The following RAP1A variants were observed in gnomAD, a reference collection of about 807,000 sequenced individuals.
RAP1A encodes the protein ras-related protein Rap-1A.
RAP1A carries 6 observed loss-of-function variants against 26.4 expected under a neutral mutation model. The ratio of observed to expected loss-of-function variants is 0.23; its 90% CI spans 0.12 to 0.45. The LOEUF (loss-of-function observed/expected upper bound fraction) is 0.45. Among genes scored for constraint, RAP1A ranks in the 20% least tolerant of loss-of-function variants. RAP1A has a pLI of 0.99. For missense variants in RAP1A, 121 were observed against 217.2 expected (o/e 0.56, Z 2.78); for synonymous variants, 73 against 79.4 (o/e 0.92, Z 0.43).
chr1:111,619,822 C>T lies in RAP1A; in HGVS notation c.-140C>T, dbSNP rs1013843746. 1 of 399,494 alleles carries T rather than the reference C, an allele frequency of 2.5e-6. No individual in the cohort carries two copies. The highest frequency in any genetic ancestry group is 4.4e-6 in the Non-Finnish European group (1 of 227,132). The allele number at this position is 399,494 out of a possible 1,614,324, so 24.7% of individuals were successfully genotyped here. A position where few individuals can be genotyped will look rare whatever the true frequency, so the allele number is the denominator to read the frequency against. On this transcript the variant is annotated 5_prime_UTR_variant, in exon 1 of 8. Coordinates refer to ENST00000369709, the MANE Select transcript of RAP1A (RefSeq NM_002884.4). Reference sequence around the variant, plus strand: ...TCCCGAGGCCCCTGCCGCCGCCGCTCCCGCTGCTGTCGCCGCGCAGAGCCG... The same window carrying T: ...TCCCGAGGCCCCTGCCGCCGCCGCTTCCGCTGCTGTCGCCGCGCAGAGCCG...
intron 1 of RAP1A, among the ~76,000 whole-genome samples, chr1:111,643,109 T>G (rs545689844): frequency 6.6e-6 from 1 of 152,102 alleles, no homozygotes; most frequent in Admixed American, 6.6e-5. Context: ...GTAAGTACTT[T>G]AGGATTTTGG....
chr1:111,629,696 C>A (rs1659510972), intron 1 of RAP1A, among the ~76,000 whole-genome samples: 1 of 152,132 alleles, frequency 6.6e-6, no homozygotes, highest in Non-Finnish European at 1.5e-5. Flanking sequence ...ATGTAACTCA[C>A]AGTGCTCGTA....
chr1:111,664,388 A>C lies in RAP1A; in HGVS notation c.-27-26946A>C, dbSNP rs562692536. Among the ~76,000 whole-genome samples, 259 of 150,746 alleles carry C rather than the reference A, an allele frequency of 1.7e-3. 2 individuals are homozygous for C. Among genetic ancestry groups the C allele is most frequent in the African/African-American group, 5.7e-3 (232 of 40,846 alleles). ...GACTCCGTCTCAAAAAAAAAAAAAA[A>C]AAAAAAAAAACAAAAAACAAAACCA... On this transcript the variant is annotated intron_variant, in intron 1 of 7. Transcript: ENST00000369709.
At chr1:111,571,480 C>G (rs1658048026) in intron 1 of RAP1A, among the ~76,000 whole-genome samples, 1 of 152,212 alleles carries the variant, frequency 6.6e-6, no homozygotes, top group Non-Finnish European at 1.5e-5. Flanking sequence ...ACCTCATTAG[C>G]ATAAATCCAG....
intron 1 of RAP1A, among the ~76,000 whole-genome samples, chr1:111,610,852 T>C (rs1241148196): frequency 6.6e-6 from 1 of 152,228 alleles, no homozygotes; most frequent in African/African-American, 2.4e-5. Flanking sequence ...TACTCTATTG[T>C]CCCTCATATT....
At chr1:111,648,876 A>G (rs1212693793) in intron 1 of RAP1A, 6 of 790,496 alleles carry the variant, frequency 7.6e-6, no homozygotes, top group South Asian at 5.3e-5. Flanking sequence ...ATCTGCCTCC[A>G]TGGTCAACCC....
At chr1:111,572,387 G>A (rs1658067196) in intron 1 of RAP1A, among the ~76,000 whole-genome samples, 1 of 152,214 alleles carries the variant, frequency 6.6e-6, no homozygotes, top group Admixed American at 6.5e-5. Context: ...TTGCAACTCA[G>A]GATTCCTCAG....
chr1:111,668,617 G>A (rs1038429870), intron 1 of RAP1A, among the ~76,000 whole-genome samples: 20 of 152,104 alleles, frequency 1.3e-4, no homozygotes, highest in Admixed American at 8.5e-4. Context: ...CTAGCCAGGC[G>A]GTATGGGTCC....
Position 111,647,519 on chromosome 1 carries a change from G to A in RAP1A, c.-28+27585G>A, listed in dbSNP as rs142356732. Among the ~76,000 whole-genome samples, 1,056 of 152,288 alleles carry A rather than the reference G, an allele frequency of 6.9e-3. 7 individuals are homozygous for A. The highest frequency in any genetic ancestry group is 0.011 in the Non-Finnish European group (727 of 68,018). The stretch of plus-strand genomic sequence containing the variant: ...AACTGGTTCTGCCAAAAAGGTTGGG[G>A]ATCGCTGCCTTAAATTATGTAGATA... On this transcript the variant is annotated intron_variant, in intron 1 of 7. Coordinates refer to ENST00000369709, the MANE Select transcript of RAP1A (RefSeq NM_002884.4).
chr1:111,602,173 G>A (rs1459200610), intron 1 of RAP1A: 1 of 152,184 alleles, frequency 6.6e-6, no homozygotes, highest in South Asian at 2.1e-4. Flanking sequence ...ACCATGTTGG[G>A]TAAGAAGACA....
chr1:111,619,793 C>T lies in RAP1A; in HGVS notation c.-169C>T. 7.5e-6 allele frequency: 3 copies of T among 398,294 alleles called. No individual in the cohort carries two copies. Among genetic ancestry groups the T allele is most frequent in the Non-Finnish European group, 1.3e-5 (3 of 226,150 alleles). 24.7% of individuals were successfully genotyped at this position (398,294 alleles called of 1,614,324 possible). A position where few individuals can be genotyped will look rare whatever the true frequency, so the allele number is the denominator to read the frequency against. On this transcript the variant is annotated 5_prime_UTR_variant, in exon 1 of 8. Transcript: ENST00000369709. ...GCGCGTTCTGGAGGAGGCGCCGCCG[C>T]CGCTCCCGAGGCCCCTGCCGCCGCC...
intron 1 of RAP1A, among the ~76,000 whole-genome samples, chr1:111,658,092 C>T (rs1002379735): frequency 6.6e-6 from 1 of 152,050 alleles, no homozygotes; most frequent in Admixed American, 6.6e-5. Flanking sequence ...TATATTCTTT[C>T]ATTGTTGGAT....
At chr1:111,635,157 A>G (rs1212115984) in intron 1 of RAP1A, among the ~76,000 whole-genome samples, 2 of 152,176 alleles carry the variant, frequency 1.3e-5, no homozygotes, top group Non-Finnish European at 2.9e-5. Flanking sequence ...TTAAGTTGCC[A>G]TTTTCTGGGC....
chr1:111,695,436 G>C (rs1206184962), intron 3 of RAP1A, 27 bp downstream of exon 3: 1 of 1,446,808 alleles, frequency 6.9e-7, no homozygotes, highest in East Asian at 2.5e-5. Context: ...GTACACACAT[G>C]CTTACAAGTA....
intron 4 of RAP1A, among the ~76,000 whole-genome samples, chr1:111,698,256 C>A (rs1261717626): frequency 4.6e-5 from 7 of 152,162 alleles, no homozygotes; most frequent in Middle Eastern, 3.4e-3. Context: ...CAATTCTTAG[C>A]TTTAAAATGG....
At chr1:111,615,100 T>C (rs148577688), upstream of RAP1A, among the ~76,000 whole-genome samples, 164 of 152,160 alleles carry the variant, frequency 1.1e-3, no homozygotes, top group Non-Finnish European at 2.0e-3. Flanking sequence ...TGTAAAAAGT[T>C]AGTAGGAGTT....
intron 1 of RAP1A, among the ~76,000 whole-genome samples, chr1:111,641,646 T>C (rs961472750): frequency 2.6e-5 from 4 of 152,172 alleles, no homozygotes; most frequent in Non-Finnish European, 5.9e-5. Context: ...TGTGTGTGTG[T>C]GTGCGCGCGC....
chr1:111,669,766 A>G (rs911278233), intron 1 of RAP1A, among the ~76,000 whole-genome samples: 1 of 152,264 alleles, frequency 6.6e-6, no homozygotes, highest in Non-Finnish European at 1.5e-5. Flanking sequence ...TACAATTAGA[A>G]TTTCCAAAAC....
At chr1:111,557,945 T>C (rs1657570088) in intron 1 of RAP1A, among the ~76,000 whole-genome samples, 2 of 152,146 alleles carry the variant, frequency 1.3e-5, no homozygotes, top group Admixed American at 6.5e-5. Context: ...ATTATGCATG[T>C]TAAGATTTCT....
Sources: gnomAD v4.1 joint callset for allele counts (sites outside exome capture counted in the v4.1 genomes callset) on GRCh38, gnomAD v4.1.1 for gene constraint, MANE v1.5 for transcripts, NCBI Gene and HGNC (gene_info 2026-07-23, HGNC 2026-07-21) for gene names.